Variants in GALNT13 observed in about 807,000 individuals in gnomAD.
GALNT13 encodes the protein UDP-GalNAc:polypeptide N-acetylgalactosaminyltransferase 13.
Under a neutral mutation model 64.2 loss-of-function variants are expected in GALNT13, and 28 were observed. That is an observed-to-expected ratio of 0.44 (90% confidence interval 0.32 to 0.60). The LOEUF (loss-of-function observed/expected upper bound fraction) is 0.60. GALNT13 is among the 20% of genes least tolerant of loss of function. The pLI is 0.05. For missense variants in GALNT13, 577 were observed against 669.8 expected (o/e 0.86, Z 1.53); for synonymous variants, 214 against 224.6 (o/e 0.95, Z 0.42).
the GALNT13 span, among the ~76,000 whole-genome samples, chr2:153,738,928 AC>A: frequency 6.6e-6 from 1 of 151,880 alleles, no homozygotes; most frequent in Admixed American, 6.6e-5. Context: ...TTTACAATGA[AC>A]ACCCCAAAAC....
chr2:153,405,722 A>G, the GALNT13 span, among the ~76,000 whole-genome samples: 42 of 152,224 alleles, frequency 2.8e-4, no homozygotes, highest in African/African-American at 9.2e-4. Context: ...TGAGAGAAAC[A>G]TAAGATTTTG....
chr2:153,401,814 G>A, the GALNT13 span, among the ~76,000 whole-genome samples: 4 of 151,892 alleles, frequency 2.6e-5, no homozygotes, highest in Admixed American at 6.6e-5. Context: ...TTGAGCCTAT[G>A]TGTGTCTCTG....
At chr2:153,565,577 C>T in the GALNT13 span, among the ~76,000 whole-genome samples, 654 of 152,080 alleles carry the variant, frequency 4.3e-3, 5 homozygotes, top group Non-Finnish European at 4.8e-3. Context: ...GAAACTATGA[C>T]TATAGGCAAG....
chr2:153,974,471 T>C (rs1375806516), intron 3 of GALNT13, among the ~76,000 whole-genome samples: 1 of 152,058 alleles, frequency 6.6e-6, no homozygotes, highest in Admixed American at 6.6e-5. Flanking sequence ...TAAATATCTA[T>C]TGAGTGTTTT....
chr2:154,048,586 A>G (rs1699408184), intron 3 of GALNT13, among the ~76,000 whole-genome samples: 1 of 152,156 alleles, frequency 6.6e-6, no homozygotes, highest in South Asian at 2.1e-4. Context: ...TCACTGTGTC[A>G]TAAGGCCAGA....
chr2:153,139,599 TAAG>T, the GALNT13 span, among the ~76,000 whole-genome samples: 1 of 151,742 alleles, frequency 6.6e-6, no homozygotes, highest in African/African-American at 2.4e-5. Flanking sequence ...TGGAGATGGG[TAAG>T]AAGGACAGTT....
the GALNT13 span, among the ~76,000 whole-genome samples, chr2:153,776,575 C>A: frequency 6.6e-6 from 1 of 152,198 alleles, no homozygotes; most frequent in Non-Finnish European, 1.5e-5. Context: ...AAGCTTCTTT[C>A]AATTTCTCAC....
intron 10 of GALNT13, among the ~76,000 whole-genome samples, chr2:154,403,033 A>G (rs544653943): frequency 1.4e-4 from 21 of 152,280 alleles, no homozygotes; most frequent in Non-Finnish European, 2.5e-4. Context: ...TATTTTGAAG[A>G]CAATATAGCA....
chr2:153,635,441 C>CACATATATATGTATATATATATAT, the GALNT13 span, among the ~76,000 whole-genome samples: 53 of 129,832 alleles, frequency 4.1e-4, 1 homozygote, highest in Middle Eastern at 4.2e-3. Flanking sequence ...TATATATATA[C>CACATATATATGTATATATATATAT]ACACATATAT....
At chr2:153,167,285 C>T in the GALNT13 span, among the ~76,000 whole-genome samples, 3 of 152,106 alleles carry the variant, frequency 2.0e-5, no homozygotes, top group Non-Finnish European at 2.9e-5. Context: ...TGGGAGTGAC[C>T]ATCTGATTTT....
At chr2:154,273,328 A>G (rs1210893821) in intron 8 of GALNT13, among the ~76,000 whole-genome samples, 1 of 152,154 alleles carries the variant, frequency 6.6e-6, no homozygotes, top group African/African-American at 2.4e-5. Flanking sequence ...AACATTCAGC[A>G]TAGAAAAAAA....
At chr2:154,167,434 A>C (rs1685093879) in intron 4 of GALNT13, among the ~76,000 whole-genome samples, 1 of 152,160 alleles carries the variant, frequency 6.6e-6, no homozygotes, top group African/African-American at 2.4e-5. Context: ...TGATTAAGCA[A>C]CTTTCAGATA....
chr2:154,357,018 A>C (rs895916557), intron 9 of GALNT13, among the ~76,000 whole-genome samples: 8 of 151,984 alleles, frequency 5.3e-5, no homozygotes, highest in Admixed American at 2.6e-4. Flanking sequence ...AATGAAATAA[A>C]ACTGTGGGAA....
At chr2:153,511,983 A>G in the GALNT13 span, among the ~76,000 whole-genome samples, 19 of 152,274 alleles carry the variant, frequency 1.2e-4, no homozygotes, top group Admixed American at 2.0e-4. Context: ...AAGATTATGG[A>G]GAAGGCACAG....
intron 3 of GALNT13, among the ~76,000 whole-genome samples, chr2:154,096,236 A>C (rs1164197707): frequency 6.6e-6 from 1 of 151,652 alleles, no homozygotes. Context: ...CCCATCACCA[A>C]CTCCATTACT....
At chr2:153,787,557 C>T in the GALNT13 span, among the ~76,000 whole-genome samples, 1 of 152,198 alleles carries the variant, frequency 6.6e-6, no homozygotes, top group Non-Finnish European at 1.5e-5. Flanking sequence ...CTCCAAACAA[C>T]TGCACTAGTT....
At chr2:154,052,879 G>A (rs1367280773) in intron 3 of GALNT13, among the ~76,000 whole-genome samples, 1 of 151,888 alleles carries the variant, frequency 6.6e-6, no homozygotes, top group Admixed American at 6.6e-5. Flanking sequence ...TGGGACTACA[G>A]GCGCCCGCCA....
At chr2:153,595,815 A>G in the GALNT13 span, among the ~76,000 whole-genome samples, 1 of 152,364 alleles carries the variant, frequency 6.6e-6, no homozygotes, top group African/African-American at 2.4e-5. Flanking sequence ...TAAGTCAGCC[A>G]TAAAACATGT....
the GALNT13 span, among the ~76,000 whole-genome samples, chr2:153,703,775 T>C: frequency 4.6e-4 from 70 of 152,262 alleles, no homozygotes; most frequent in Non-Finnish European, 8.7e-4. Flanking sequence ...ATTGGAAAAA[T>C]AGCTCATAGA....
Sources: allele counts gnomAD v4.1 joint callset (sites outside exome capture counted in the v4.1 genomes callset), GRCh38; gene constraint gnomAD v4.1.1; transcripts MANE v1.5; gene names NCBI Gene and HGNC (gene_info 2026-07-23, HGNC 2026-07-21).